The following PRXL2A variants were observed in gnomAD, a reference collection of about 807,000 sequenced individuals.
PRXL2A encodes peroxiredoxin like 2A, also known as peroxiredoxin-like 2A.
Under a neutral mutation model 25.6 loss-of-function variants are expected in PRXL2A, and 26 were observed. The observed-to-expected ratio is 1.02, with a 90% CI of 0.74 to 1.41. PRXL2A has a LOEUF of 1.41. PRXL2A is among the 40% of genes most tolerant of loss of function. PRXL2A has a pLI of 0.00. For synonymous variants in PRXL2A, 98 were observed against 102.9 expected, an observed-to-expected ratio of 0.95 and a Z score of 0.29; for missense variants, 246 against 273.9, an observed-to-expected ratio of 0.90 and a Z score of 0.72.
chr10:80,428,929 T>C (rs1845140549), intron 5 of PRXL2A, among the ~76,000 whole-genome samples: 1 of 152,110 alleles, frequency 6.6e-6, no homozygotes, highest in Admixed American at 6.5e-5. Flanking sequence ...TCAGATGGAA[T>C]CTCACTGTGT....
intron 3 of PRXL2A, among the ~76,000 whole-genome samples, chr10:80,424,409 A>T (rs1844968461): frequency 1.2e-5 from 1 of 86,694 alleles, no homozygotes; most frequent in Non-Finnish European, 2.0e-5. Flanking sequence ...TCTCTACAAA[A>T]AAAAAAAAAA....
At chr10:80,425,616 T>G (rs1407098402) in intron 3 of PRXL2A, among the ~76,000 whole-genome samples, 1 of 152,010 alleles carries the variant, frequency 6.6e-6, no homozygotes, top group Non-Finnish European at 1.5e-5. Flanking sequence ...TGGGCCCTTG[T>G]GTTAGTTTGG....
chr10:80,428,694 G>T (rs536553202), intron 5 of PRXL2A, among the ~76,000 whole-genome samples: 1 of 152,264 alleles, frequency 6.6e-6, no homozygotes, highest in Admixed American at 6.5e-5. Context: ...TGAGGGAAGG[G>T]TATGGGAGAA....
Position 80,427,557 on chromosome 10 carries a change from A to C in PRXL2A, c.576+61A>C. The stretch of plus-strand genomic sequence containing the variant: ...TCTGTGTCTGTGAGTGTGAGACTCC[A>C]ACCAGAAGCTGGAGTGGGGGTTGAC... On this transcript the variant is annotated intron_variant, in intron 5 of 5. Coordinates refer to ENST00000606162, the MANE Select transcript of PRXL2A (RefSeq NM_032333.5). 3.2e-6 allele frequency: 5 copies of C among 1,563,408 alleles called. No homozygotes were observed. In the South Asian group the frequency reaches 5.7e-5, roughly 18 times the overall value.
At chr10:80,427,591 T>A (rs1845094129) in intron 5 of PRXL2A, 95 bp downstream of exon 5, 1 of 1,337,236 alleles carries the variant, frequency 7.5e-7, no homozygotes, top group East Asian at 2.3e-5. Flanking sequence ...ACTTTCCCTG[T>A]TTTGGGTCTC....
chr10:80,411,243 C>T (rs973352120), intron 1 of PRXL2A, among the ~76,000 whole-genome samples: 4 of 152,304 alleles, frequency 2.6e-5, no homozygotes, highest in Non-Finnish European at 4.4e-5. Context: ...GGCTTCTCAG[C>T]GGAGACTAGG....
At chr10:80,411,877 G>T (rs932051402) in intron 1 of PRXL2A, among the ~76,000 whole-genome samples, 2 of 152,150 alleles carry the variant, frequency 1.3e-5, no homozygotes, top group African/African-American at 4.8e-5. Context: ...GTGGGGCTGG[G>T]CTGGGCAGGT....
intron 1 of PRXL2A, among the ~76,000 whole-genome samples, chr10:80,409,902 G>C (rs2131872616): frequency 6.6e-6 from 1 of 152,178 alleles, no homozygotes; most frequent in Admixed American, 6.5e-5. Context: ...TCCTTGTCCA[G>C]GTTTATACAG....
chr10:80,409,464 G>A (rs1230514218), intron 1 of PRXL2A, among the ~76,000 whole-genome samples: 1 of 152,164 alleles, frequency 6.6e-6, no homozygotes, highest in African/African-American at 2.4e-5. Context: ...CATGCTGTCT[G>A]CACAGCCCAG....
intron 1 of PRXL2A, among the ~76,000 whole-genome samples, chr10:80,418,626 C>T (rs1052715368): frequency 6.6e-6 from 1 of 152,176 alleles, no homozygotes; most frequent in Non-Finnish European, 1.5e-5. Flanking sequence ...ACACAATTAC[C>T]ACACCCACTC....
chr10:80,420,628 T>C lies in PRXL2A; in HGVS notation c.161T>C (p.Leu54Pro). 1 of 1,608,156 alleles carries C rather than the reference T, an allele frequency of 6.2e-7. No homozygotes were observed. The highest frequency in any genetic ancestry group is 8.5e-7 in the Non-Finnish European group (1 of 1,176,302). The change falls in exon 2 of 6, where the codon CTG becomes CCG. Residue 54 changes from leucine to proline, a missense_variant. Leu to Pro is a moderately conservative substitution (Grantham distance 98). Coordinates refer to ENST00000606162, the MANE Select transcript of PRXL2A (RefSeq NM_032333.5). The part of the protein sequence containing the change: ...AALEYLEDID[L>P]KTLEKEPRTF... ...CTGGAGTACCTGGAGGATATAGACC[T>C]GAAAACACTGGAGAAGGGTAAGTGG...
chr10:80,421,489 G>T (rs1423158254), intron 2 of PRXL2A, among the ~76,000 whole-genome samples: 1 of 152,148 alleles, frequency 6.6e-6, no homozygotes, highest in African/African-American at 2.4e-5. Flanking sequence ...AGTAAGTAAG[G>T]AAGCTTGCGA....
In PRXL2A at chr10:80,432,104, G is replaced by T. The variant is rs745707382; in HGVS notation, c.*5G>T. 1 of 1,557,036 alleles carries T rather than the reference G, an allele frequency of 6.4e-7. No individual in the cohort carries two copies. The highest frequency in any genetic ancestry group is 8.8e-7 in the Non-Finnish European group (1 of 1,133,700). ...TTGGCCTCAGAGAAAAAATGATTGT[G>T]TGAAACTGCCCAGCTCAGGGATAAC... On this transcript the variant is annotated 3_prime_UTR_variant, in exon 6 of 6. Transcript: ENST00000606162.
intron 5 of PRXL2A, 107 bp downstream of exon 5, chr10:80,427,603 T>C: frequency 8.9e-7 from 1 of 1,126,822 alleles, no homozygotes; most frequent in Admixed American, 2.3e-5. Flanking sequence ...TTGGGTCTCC[T>C]AGCCTTCCTT....
intron 1 of PRXL2A, chr10:80,409,044 G>A (rs1482759320): frequency 1.0e-6 from 1 of 985,432 alleles, no homozygotes; most frequent in Non-Finnish European, 1.2e-6. Context: ...TGGGCCCGGG[G>A]GCCGCCCTGC....
chr10:80,432,164 T>A lies in PRXL2A; in HGVS notation c.*65T>A. 1.1e-6 allele frequency: 1 copy of A among 926,938 alleles called. No individual in the cohort carries two copies. Among genetic ancestry groups the A allele is most frequent in the Non-Finnish European group, 1.7e-6 (1 of 580,758 alleles). The allele number at this position is 926,938 out of a possible 1,614,324, so 57.4% of individuals were successfully genotyped here. On this transcript the variant is annotated 3_prime_UTR_variant, in exon 6 of 6. Coordinates refer to ENST00000606162, the MANE Select transcript of PRXL2A (RefSeq NM_032333.5). Reference sequence around the variant, plus strand: ...TCACCTGTGTTCATGGGATGTATTGTTTCCACTCGTGTCCCTAAGGAGTGA... The same window carrying A: ...TCACCTGTGTTCATGGGATGTATTGATTCCACTCGTGTCCCTAAGGAGTGA...
At chr10:80,429,918 G>C (rs970050024) in intron 5 of PRXL2A, among the ~76,000 whole-genome samples, 1 of 152,092 alleles carries the variant, frequency 6.6e-6, no homozygotes, top group Non-Finnish European at 1.5e-5. Context: ...GGCCCTACTG[G>C]CATGTTTCTG....
At chr10:80,412,446 C>CATTTAATTAAATTTAAAATTCAGATA (rs1243539554) in intron 1 of PRXL2A, among the ~76,000 whole-genome samples, 3 of 152,200 alleles carry the variant, frequency 2.0e-5, no homozygotes, top group African/African-American at 7.2e-5. Context: ...ATTTAATTAA[C>CATTTAATTAAATTTAAAATTCAGATA]ATTTAATGCC....
At chr10:80,412,743 G>A (rs550056269) in intron 1 of PRXL2A, among the ~76,000 whole-genome samples, 1 of 152,128 alleles carries the variant, frequency 6.6e-6, no homozygotes, top group African/African-American at 2.4e-5. Context: ...GGGTCAGAGG[G>A]GGGCATCCCG....
Sources: gnomAD v4.1 joint callset for allele counts (sites outside exome capture counted in the v4.1 genomes callset) on GRCh38, gnomAD v4.1.1 for gene constraint, MANE v1.5 for transcripts, NCBI Gene and HGNC (gene_info 2026-07-23, HGNC 2026-07-21) for gene names.